The following DSE variants were observed in gnomAD, a reference collection of about 807,000 sequenced individuals.
DSE encodes dermatan-sulfate epimerase.
Under a neutral mutation model 84.4 loss-of-function variants are expected in DSE, and 36 were observed. The ratio of observed to expected loss-of-function variants is 0.43; its 90% CI spans 0.33 to 0.56. The LOEUF (loss-of-function observed/expected upper bound fraction) is 0.56, where lower values mean the gene tolerates loss of function less well. Among genes scored for constraint, DSE ranks in the 20% least tolerant of loss-of-function variants. DSE has a pLI of 0.06. For synonymous variants in DSE, 410 were observed against 430.1 expected (o/e 0.95, Z 0.58); for missense variants, 862 against 1,169.6 (o/e 0.74, Z 3.84).
intron 2 of DSE, among the ~76,000 whole-genome samples, chr6:116,342,517 A>G (rs1262113314): frequency 1.3e-5 from 2 of 152,032 alleles, no homozygotes; most frequent in African/African-American, 4.8e-5. Flanking sequence ...CTGACCTCGT[A>G]ATCTACCCGC....
chr6:116,274,870 A>G (rs987649784), intron 2 of DSE, among the ~76,000 whole-genome samples: 5 of 152,324 alleles, frequency 3.3e-5, no homozygotes, highest in African/African-American at 1.2e-4. Context: ...AAGTATTAAC[A>G]TGTTTAATTT....
At chr6:116,427,476 T>C (rs1282134732) in intron 3 of DSE, among the ~76,000 whole-genome samples, 2 of 152,196 alleles carry the variant, frequency 1.3e-5, no homozygotes, top group African/African-American at 4.8e-5. Flanking sequence ...ATTAAATATA[T>C]AATTGGAGAT....
In DSE at chr6:116,399,270, G is replaced by A; in HGVS notation, c.20G>A (p.Gly7Glu). MRTHTR[G>E]APSVFFIYLL... ...GCCACGATGAGGACTCACACACGGG[G>A]GGCTCCCAGTGTGTTTTTCATATAT... Residue 7 changes from glycine (G) to glutamate (E), a missense_variant, in exon 2 of 6, where the codon GGG becomes GAG. Around this residue, in one of 4 missense-constraint regions of DSE, gnomAD observed 52 missense variants for 49.6 expected, o/e 1.05. Transcript: ENST00000644252. The A allele has an allele frequency of 6.2e-7, 1 of 1,613,864 alleles. No individual in the cohort carries two copies.
intron 2 of DSE, among the ~76,000 whole-genome samples, chr6:116,292,126 C>T (rs1774319888): frequency 6.6e-6 from 1 of 152,074 alleles, no homozygotes; most frequent in East Asian, 1.9e-4. Context: ...TGATAGTTGA[C>T]ATCATCAGAG....
intron 1 of DSE, among the ~76,000 whole-genome samples, chr6:116,373,739 T>G (rs1016237750): frequency 1.3e-5 from 2 of 152,162 alleles, no homozygotes; most frequent in Non-Finnish European, 2.9e-5. Flanking sequence ...CTCGTTATAG[T>G]CTCTTTTTAA....
At chr6:116,435,491 GGGTA>G in intron 5 of DSE, 92 bp from the exon 6 acceptor site, 1 of 1,259,750 alleles carries the variant, frequency 7.9e-7, no homozygotes, top group Non-Finnish European at 1.1e-6. Flanking sequence ...CCAGTGCTCT[GGGTA>G]GCATTTGTGT....
intron 1 of DSE, chr6:116,254,766 C>T (rs1382540434): frequency 6.5e-6 from 1 of 152,856 alleles, no homozygotes; most frequent in Non-Finnish European, 1.5e-5. Flanking sequence ...CAAATTTAGG[C>T]TTTTAAGCAT....
chr6:116,429,764 C>G lies in DSE; in HGVS notation c.671-1190C>G, dbSNP rs1295693350. 7.9e-5 allele frequency among the ~76,000 whole-genome samples: 2 copies of G among 25,336 alleles called. 1 individual carries two copies. Among genetic ancestry groups the G allele is most frequent in the Non-Finnish European group, 1.6e-4 (2 of 12,386 alleles). 16.6% of individuals were successfully genotyped at this position (25,336 alleles called of 152,430 possible). On this transcript the variant is annotated intron_variant, in intron 3 of 5. Coordinates refer to ENST00000644252, the MANE Select transcript of DSE (RefSeq NM_013352.4). ...GAGATCGAGACCATCCTGGCTAACACGGTGAAACCCCGTCTCTACTAAAAA... is the reference window on the plus strand; with the variant it reads ...GAGATCGAGACCATCCTGGCTAACAGGGTGAAACCCCGTCTCTACTAAAAA...
rs938355750 is a variant in DSE at position 116,376,479 on chromosome 6, T to C, written c.-54+5358T>C. On this transcript the variant is annotated intron_variant, in intron 1 of 5. Coordinates refer to ENST00000644252, the MANE Select transcript of DSE (RefSeq NM_013352.4). ...CAAAGAAGAAGGGAATGATTTTAAT[T>C]TGGAAAGAGAAGAAAAGATTATTGA... is the stretch of plus-strand genomic sequence containing the variant. Among the ~76,000 whole-genome samples, 5 of 152,322 alleles carry C rather than the reference T, an allele frequency of 3.3e-5. No homozygotes were observed. In the East Asian group the frequency reaches 7.7e-4, roughly 23 times the overall value.
intron 2 of DSE, among the ~76,000 whole-genome samples, chr6:116,300,761 T>C (rs74878266): frequency 0.042 from 6,399 of 152,228 alleles, 455 homozygotes; most frequent in African/African-American, 0.14. Context: ...TGCTTTTTAG[T>C]GTAAAGTTTC....
chr6:116,442,935 C>CT lies in DSE; in HGVS notation c.*5590_*5591insT, dbSNP rs5879376. On this transcript the variant is annotated 3_prime_UTR_variant, in exon 6 of 6. Transcript: ENST00000644252. ...CCTGAGATGGCTCTGATATGCCCCC[C>CT]ATATTCCATATGTTTACTCCCTGGG... is the stretch of plus-strand genomic sequence containing the variant. 103,034 of 152,006 alleles carry CT rather than the reference C, an allele frequency of 0.68. 35,508 individuals are homozygous for CT. The highest frequency in any genetic ancestry group is 0.74 in the Admixed American group (11,301 of 15,284). 9.4% of individuals were successfully genotyped at this position (152,006 alleles called of 1,614,324 possible). A position where few individuals can be genotyped will look rare whatever the true frequency, so the allele number is the denominator to read the frequency against.
chr6:116,313,346 A>G (rs377288220), intron 2 of DSE, among the ~76,000 whole-genome samples: 3 of 152,210 alleles, frequency 2.0e-5, no homozygotes, highest in Non-Finnish European at 4.4e-5. Flanking sequence ...ATATTTTATT[A>G]TGGCAGCCTT....
intron 1 of DSE, among the ~76,000 whole-genome samples, chr6:116,373,385 T>C (rs997586351): frequency 2.0e-5 from 3 of 152,154 alleles, no homozygotes; most frequent in African/African-American, 7.2e-5. Flanking sequence ...GACCAAGAGA[T>C]ACTTTGATAA....
At chr6:116,411,192 G>A (rs1782329483) in intron 2 of DSE, among the ~76,000 whole-genome samples, 1 of 151,962 alleles carries the variant, frequency 6.6e-6, no homozygotes, top group Non-Finnish European at 1.5e-5. Flanking sequence ...GTGTGTCTCA[G>A]TCATAAAAAA....
At chr6:116,299,368 A>G (rs186212676) in intron 2 of DSE, among the ~76,000 whole-genome samples, 29 of 151,874 alleles carry the variant, frequency 1.9e-4, no homozygotes, top group African/African-American at 7.0e-4. Flanking sequence ...TGGTTTTAAG[A>G]ATAATTTGAG....
chr6:116,430,841 C>A (rs566942132), intron 3 of DSE, 113 bp from the exon 4 acceptor site: 88 of 1,436,902 alleles, frequency 6.1e-5, no homozygotes, highest in Non-Finnish European at 8.2e-5. Context: ...TTTTACAAAA[C>A]GCGATTTGTA....
chr6:116,305,751 C>T (rs1562218008), intron 2 of DSE, among the ~76,000 whole-genome samples: 1 of 152,128 alleles, frequency 6.6e-6, no homozygotes, highest in Non-Finnish European at 1.5e-5. Context: ...GATTCTCCTG[C>T]TTTAGCCCCC....
At chr6:116,414,117 A>C (rs1038071460) in intron 2 of DSE, among the ~76,000 whole-genome samples, 2 of 152,208 alleles carry the variant, frequency 1.3e-5, no homozygotes, top group Non-Finnish European at 2.9e-5. Context: ...GCTGTAACAA[A>C]ATACCATAGA....
chr6:116,278,990 T>C, intron 2 of DSE: 1 of 1,614,016 alleles, frequency 6.2e-7, no homozygotes, highest in Non-Finnish European at 8.5e-7. Context: ...CGAAAAGCAG[T>C]CATCCAGAAG....
Sources: allele counts gnomAD v4.1 joint callset (sites outside exome capture counted in the v4.1 genomes callset), GRCh38; gene constraint gnomAD v4.1.1; regional missense constraint gnomAD v4.1.1; transcripts MANE v1.5; gene names NCBI Gene and HGNC (gene_info 2026-07-23, HGNC 2026-07-21).